The following HEG1 variants were observed in gnomAD, a reference collection of about 807,000 sequenced individuals.
The protein encoded by HEG1 is heart development protein with EGF like domains 1, also known as protein HEG homolog 1.
HEG1 carries 56 observed loss-of-function variants against 125.6 expected under a neutral mutation model. The observed-to-expected ratio is 0.45, with a 90% CI of 0.36 to 0.56. The LOEUF is 0.56. Ranked by LOEUF, HEG1 falls within the 20% of genes least tolerant of loss-of-function variation. The pLI is 0.00. For missense variants in HEG1, 1,523 were observed against 1,670.0 expected, an observed-to-expected ratio of 0.91 and a Z score of 1.53; for synonymous variants, 644 against 668.5, an observed-to-expected ratio of 0.96 and a Z score of 0.57.
intron 11 of HEG1, among the ~76,000 whole-genome samples, chr3:125,000,288 GAGC>G (rs750518562): frequency 5.3e-5 from 8 of 152,234 alleles, no homozygotes; most frequent in Non-Finnish European, 1.2e-4. Flanking sequence ...GGGCTGCCAT[GAGC>G]AGGCTCTTTC....
At chr3:124,981,491 G>A (rs1288165994) in intron 14 of HEG1, among the ~76,000 whole-genome samples, 2 of 152,148 alleles carry the variant, frequency 1.3e-5, no homozygotes, top group African/African-American at 4.8e-5. Flanking sequence ...ACTCCCGTCT[G>A]CGTCTCAGTC....
chr3:125,020,288 G>C (rs1160807460), intron 4 of HEG1, among the ~76,000 whole-genome samples: 2 of 152,118 alleles, frequency 1.3e-5, no homozygotes, highest in African/African-American at 4.8e-5. Context: ...TAGCTGGATG[G>C]AGTGGCATGC....
chr3:125,016,278 C>A (rs1314555069), intron 5 of HEG1, among the ~76,000 whole-genome samples: 1 of 152,148 alleles, frequency 6.6e-6, no homozygotes, highest in Non-Finnish European at 1.5e-5. Flanking sequence ...AGTGCAGAAC[C>A]CCGCCAGCTT....
chr3:125,053,176 T>C (rs1199318046), intron 1 of HEG1, among the ~76,000 whole-genome samples: 2 of 152,138 alleles, frequency 1.3e-5, no homozygotes, highest in Non-Finnish European at 2.9e-5. Flanking sequence ...GGGGCAGACA[T>C]TTGCATGGGA....
chr3:124,981,567 T>C (rs1434362671), intron 14 of HEG1, among the ~76,000 whole-genome samples: 1 of 152,210 alleles, frequency 6.6e-6, no homozygotes, highest in Non-Finnish European at 1.5e-5. Context: ...TCAGTCATAC[T>C]GGGCAGGGGC....
chr3:125,013,156 G>C lies in HEG1; in HGVS notation c.2423C>G (p.Ala808Gly). ...LVSLPTESTK[A>G]VTTNSPLPPS... ...AGGCAAAGGAGAGTTTGTTGTTACAGCTTTGGTGGACTCTGTGGGCAGAGA... is the reference window on the plus strand; with the variant it reads ...AGGCAAAGGAGAGTTTGTTGTTACACCTTTGGTGGACTCTGTGGGCAGAGA... Residue 808 changes from alanine to glycine, a missense_variant, in exon 6 of 17, where the codon GCT (alanine) becomes GGT (glycine). Coordinates refer to ENST00000311127, the MANE Select transcript of HEG1 (RefSeq NM_020733.2). 1.2e-5 allele frequency: 20 copies of C among 1,614,038 alleles called. No homozygotes were observed. Among genetic ancestry groups the C allele is most frequent in the Non-Finnish European group, 1.7e-5 (20 of 1,179,894 alleles).
At chr3:124,994,850 A>G (rs751521016) in intron 12 of HEG1, among the ~76,000 whole-genome samples, 1 of 152,198 alleles carries the variant, frequency 6.6e-6, no homozygotes, top group Non-Finnish European at 1.5e-5. Context: ...AGGAAATTAT[A>G]TCTAGCCATG....
At chr3:125,050,580 C>T (rs1937782484) in intron 1 of HEG1, among the ~76,000 whole-genome samples, 1 of 152,232 alleles carries the variant, frequency 6.6e-6, no homozygotes. Context: ...CCCATTTCCA[C>T]CCTCACCATT....
chr3:124,978,890 C>A (rs1012030857), intron 14 of HEG1, among the ~76,000 whole-genome samples: 2 of 151,668 alleles, frequency 1.3e-5, no homozygotes, highest in Non-Finnish European at 2.9e-5. Flanking sequence ...TCACTTCCCA[C>A]CCTTTGGTGT....
chr3:124,977,899 G>C lies in HEG1; in HGVS notation c.3781C>G (p.Leu1261Val). Residue 1261 changes from leucine to valine, a missense_variant, in exon 15 of 17, where the codon CTG (leucine) becomes GTG (valine). Physicochemically the swap from Leu to Val is conservative, Grantham distance 32. Transcript: ENST00000311127. ...VVIAAAGGGLLLILGIALIVT... is the reference protein window; with the variant it reads ...VVIAAAGGGLVLILGIALIVT... ...ATCAGTGCGATGCCTAGGATGAGCA[G>C]GAGCCCACCTCCCGCGGCTGCGATC... 1 of 1,581,010 alleles carries C rather than the reference G, an allele frequency of 6.3e-7. No individual in the cohort carries two copies. The highest frequency in any genetic ancestry group is 8.6e-7 in the Non-Finnish European group (1 of 1,163,480).
chr3:125,002,373 G>A, intron 9 of HEG1, 58 bp from the exon 10 acceptor site: 1 of 1,448,020 alleles, frequency 6.9e-7, no homozygotes, highest in Non-Finnish European at 9.6e-7. Context: ...CTTGGACCTA[G>A]AACCAGTTTC....
At position 125,029,579 on chromosome 3, in the gene HEG1, T is replaced by C. The variant is rs561829627; in HGVS notation, c.317-91A>G. The C allele has an allele frequency of 7.0e-5, 88 of 1,256,416 alleles. No individual in the cohort carries two copies. In the African/African-American group the frequency reaches 1.2e-3, roughly 17 times the overall value. 77.8% of individuals were successfully genotyped at this position (1,256,416 alleles called of 1,614,324 possible). A position where few individuals can be genotyped will look rare whatever the true frequency, so the allele number is the denominator to read the frequency against. On this transcript the variant is annotated intron_variant, in intron 1 of 16. Coordinates refer to ENST00000311127, the MANE Select transcript of HEG1 (RefSeq NM_020733.2). ...GAAAAGACACCGTGAAATACATCAG[T>C]AGAGAGTGAATTCAAGTAAAAGAAT...
intron 1 of HEG1, among the ~76,000 whole-genome samples, chr3:125,051,684 G>A (rs1937809454): frequency 6.6e-6 from 1 of 152,184 alleles, no homozygotes; most frequent in Admixed American, 6.5e-5. Flanking sequence ...CAGGATTCTT[G>A]GAAGAGAATA....
At chr3:125,040,019 A>G (rs1161078889) in intron 1 of HEG1, among the ~76,000 whole-genome samples, 1 of 152,228 alleles carries the variant, frequency 6.6e-6, no homozygotes, top group African/African-American at 2.4e-5. Flanking sequence ...AAGACTGAGC[A>G]AGAGGACTTC....
chr3:125,011,570 A>G (rs571894738), intron 6 of HEG1, among the ~76,000 whole-genome samples: 1 of 152,302 alleles, frequency 6.6e-6, no homozygotes, highest in Non-Finnish European at 1.5e-5. Context: ...ACTTCCCTGG[A>G]GAAACAGCCA....
chr3:125,014,869 T>C (rs1281544955), intron 5 of HEG1: 1 of 1,289,800 alleles, frequency 7.8e-7, no homozygotes, highest in Admixed American at 2.3e-5. Context: ...TTGGTGAGGG[T>C]GACAGACCGC....
rs767391364 is a variant in HEG1, at chr3:125,012,896, T to C, written c.2683A>G (p.Thr895Ala). 10 of 1,613,886 alleles carry C rather than the reference T, an allele frequency of 6.2e-6. No homozygotes were observed. Among genetic ancestry groups the C allele is most frequent in the African/African-American group, 1.3e-5 (1 of 74,920 alleles). The change falls in exon 6 of 17, where the codon ACA (threonine) becomes GCA (alanine). Residue 895 changes from threonine to alanine, a missense_variant. Coordinates refer to ENST00000311127, the MANE Select transcript of HEG1 (RefSeq NM_020733.2). Reference protein sequence around the residue: ...HPEILVPQISTEGGISTERNR... With the variant: ...HPEILVPQISAEGGISTERNR... ...CTTTCTGTGCTGATGCCACCTTCTG[T>C]TGAGATTTGAGGAACTAGTATTTCA... is the stretch of plus-strand genomic sequence containing the variant.
At position 124,965,819 on chromosome 3, in the gene HEG1, C is replaced by T. The variant is rs1936299226; in HGVS notation, c.*4833G>A. ...TCTTACAAATAATACTTTGCTGCTACAGTACTGAATAATTAGTGGAGGTTG... is the reference window on the plus strand; with the variant it reads ...TCTTACAAATAATACTTTGCTGCTATAGTACTGAATAATTAGTGGAGGTTG... On this transcript the variant is annotated 3_prime_UTR_variant, in exon 17 of 17. Transcript: ENST00000311127. 1 of 152,182 alleles carries T rather than the reference C, an allele frequency of 6.6e-6. No individual in the cohort carries two copies. Among genetic ancestry groups the T allele is most frequent in the African/African-American group, 2.4e-5 (1 of 41,452 alleles). 9.4% of individuals were successfully genotyped at this position (152,182 alleles called of 1,614,324 possible).
At position 124,981,118 on chromosome 3, in the gene HEG1, T is replaced by C. The variant is rs376595866; in HGVS notation, c.3734-3172A>G. Among the ~76,000 whole-genome samples, 41 of 152,160 alleles carry C rather than the reference T, an allele frequency of 2.7e-4. No homozygotes were observed. The East Asian group carries it at 6.2e-3, about 23-fold the overall frequency. On this transcript the variant is annotated intron_variant, in intron 14 of 16. Coordinates refer to ENST00000311127, the MANE Select transcript of HEG1 (RefSeq NM_020733.2). Reference sequence around the variant, plus strand: ...CCTCCCAAAGTGCTGGGATTACAGGTGTGAGCCACTGCGCCCAACCTGGAT... The same window carrying C: ...CCTCCCAAAGTGCTGGGATTACAGGCGTGAGCCACTGCGCCCAACCTGGAT...
Sources: allele counts gnomAD v4.1 joint callset (sites outside exome capture counted in the v4.1 genomes callset), GRCh38; gene constraint gnomAD v4.1.1; transcripts MANE v1.5; gene names NCBI Gene and HGNC (gene_info 2026-07-23, HGNC 2026-07-21).